ZNF536: variants seen among roughly 807,000 people sequenced by gnomAD.
ZNF536 encodes the protein zinc finger protein 536.
In ZNF536, 13 loss-of-function variants were observed where a neutral mutation model predicts 84.5. That is an observed-to-expected ratio of 0.15 (90% confidence interval 0.10 to 0.24). The LOEUF is 0.24. Ranked by LOEUF, ZNF536 falls within the 10% of genes least tolerant of loss-of-function variation. ZNF536 has a pLI of 1.00. For synonymous variants in ZNF536, 811 were observed against 742.5 expected, an observed-to-expected ratio of 1.09 and a Z score of -1.50; for missense variants, 1,536 against 1,747.5, an observed-to-expected ratio of 0.88 and a Z score of 2.16.
At chr19:30,471,126 C>G (rs544513731) in intron 2 of ZNF536, among the ~76,000 whole-genome samples, 41 of 152,134 alleles carry the variant, frequency 2.7e-4, no homozygotes, top group Admixed American at 7.9e-4. Context: ...TGGCTTAGAC[C>G]GTTTATCAGA....
At chr19:30,263,024 C>T (rs1335161399) in intron 1 of ZNF536, among the ~76,000 whole-genome samples, 1 of 152,082 alleles carries the variant, frequency 6.6e-6, no homozygotes, top group African/African-American at 2.4e-5. Flanking sequence ...TGATAGAGAA[C>T]TCCGCAGCGT....
chr19:30,347,220 A>G (rs951336624), intron 2 of ZNF536, among the ~76,000 whole-genome samples: 1 of 152,090 alleles, frequency 6.6e-6, no homozygotes, highest in Non-Finnish European at 1.5e-5. Flanking sequence ...TCAAAGGATT[A>G]CAAAGATCAA....
intron 1 of ZNF536, among the ~76,000 whole-genome samples, chr19:30,680,494 T>C (rs985364927): frequency 6.8e-6 from 1 of 146,456 alleles, no homozygotes; most frequent in African/African-American, 2.5e-5. Context: ...TGAGTGAGAA[T>C]ATGCGGTGTT....
At chr19:30,317,070 C>T (rs1384901095) in intron 2 of ZNF536, among the ~76,000 whole-genome samples, 1 of 152,100 alleles carries the variant, frequency 6.6e-6, no homozygotes, top group Non-Finnish European at 1.5e-5. Flanking sequence ...TCTTAAGGTG[C>T]CCAAAGCTCT....
intron 1 of ZNF536, among the ~76,000 whole-genome samples, chr19:30,594,706 C>G (rs1231537280): frequency 6.6e-6 from 1 of 152,042 alleles, no homozygotes; most frequent in Non-Finnish European, 1.5e-5. Flanking sequence ...CTGCAGCTAG[C>G]CGGCCTGTGC....
chr19:30,513,986 G>A (rs537990994), intron 2 of ZNF536, among the ~76,000 whole-genome samples: 51 of 152,362 alleles, frequency 3.3e-4, no homozygotes, highest in African/African-American at 1.1e-3. Flanking sequence ...TGGGACACAC[G>A]AGAGCCCATT....
At chr19:30,583,292 C>T (rs1840940185) in intron 1 of ZNF536, among the ~76,000 whole-genome samples, 1 of 152,196 alleles carries the variant, frequency 6.6e-6, no homozygotes, top group African/African-American at 2.4e-5. Flanking sequence ...CTGTGTGATG[C>T]TGTTGAAAGG....
At chr19:30,251,061 G>T (rs773046232) in intron 1 of ZNF536, among the ~76,000 whole-genome samples, 4 of 151,994 alleles carry the variant, frequency 2.6e-5, no homozygotes, top group African/African-American at 7.2e-5. Context: ...GGGTCTGTCT[G>T]CTTCCCTCTA....
chr19:30,701,938 C>T (rs1334990885), intron 1 of ZNF536, among the ~76,000 whole-genome samples: 2 of 152,212 alleles, frequency 1.3e-5, no homozygotes, highest in Non-Finnish European at 2.9e-5. Context: ...CACCAATGGG[C>T]ACTGTCACCA....
At chr19:30,499,099 T>C (rs988116479) in intron 2 of ZNF536, among the ~76,000 whole-genome samples, 1 of 152,000 alleles carries the variant, frequency 6.6e-6, no homozygotes, top group Non-Finnish European at 1.5e-5. Context: ...GTCATCTTAA[T>C]AAATTGCTAC....
intron 1 of ZNF536, among the ~76,000 whole-genome samples, chr19:30,427,787 T>C (rs920206262): frequency 5.9e-5 from 9 of 152,194 alleles, no homozygotes; most frequent in Non-Finnish European, 1.3e-4. Flanking sequence ...CTCCTGACTT[T>C]AGAAGGGAAG....
At chr19:30,352,162 C>T (rs2047951788) in intron 2 of ZNF536, among the ~76,000 whole-genome samples, 1 of 152,122 alleles carries the variant, frequency 6.6e-6, no homozygotes, top group African/African-American at 2.4e-5. Context: ...TGAAAGATCC[C>T]AGTGCTAGGC....
intron 1 of ZNF536, among the ~76,000 whole-genome samples, chr19:30,681,064 C>T (rs1863451012): frequency 1.3e-5 from 2 of 152,148 alleles, no homozygotes; most frequent in African/African-American, 4.8e-5. Flanking sequence ...TACCCTGCAC[C>T]CCGCCCCTTT....
intron 2 of ZNF536, among the ~76,000 whole-genome samples, chr19:30,324,610 T>G (rs1458611746): frequency 6.6e-6 from 1 of 152,184 alleles, no homozygotes; most frequent in Non-Finnish European, 1.5e-5. Flanking sequence ...CAGGCTGGTC[T>G]TGAACTCCTG....
chr19:30,439,334 G>A (rs1046614431), intron 1 of ZNF536, among the ~76,000 whole-genome samples: 1 of 152,204 alleles, frequency 6.6e-6, no homozygotes, highest in Non-Finnish European at 1.5e-5. Flanking sequence ...GTACATGGAA[G>A]GTCCCTGGCA....
chr19:30,572,102 C>T (rs544283293), intron 1 of ZNF536, among the ~76,000 whole-genome samples: 9 of 152,238 alleles, frequency 5.9e-5, no homozygotes, highest in South Asian at 2.1e-4. Context: ...TGGTTTAATG[C>T]GGCCCTAACT....
chr19:30,481,629 T>C (rs11667462), intron 2 of ZNF536, among the ~76,000 whole-genome samples: 3,117 of 152,346 alleles, frequency 0.02, 60 homozygotes, highest in Non-Finnish European at 0.031. Flanking sequence ...TTGTAACAAC[T>C]TTTTAGAATT....
At chr19:30,426,917 A>T (rs975227377) in intron 1 of ZNF536, among the ~76,000 whole-genome samples, 5 of 152,040 alleles carry the variant, frequency 3.3e-5, no homozygotes, top group African/African-American at 1.2e-4. Flanking sequence ...TGTGTGCATT[A>T]TTTCTTCTTT....
chr19:30,635,746 C>T (rs879847176), intron 1 of ZNF536, among the ~76,000 whole-genome samples: 2 of 152,214 alleles, frequency 1.3e-5, no homozygotes, highest in Non-Finnish European at 2.9e-5. Context: ...AGAGGAGTTC[C>T]GGACTGCCTC....
Sources: gnomAD v4.1 joint callset for allele counts (sites outside exome capture counted in the v4.1 genomes callset) on GRCh38, gnomAD v4.1.1 for gene constraint, MANE v1.5 for transcripts, NCBI Gene and HGNC (gene_info 2026-07-23, HGNC 2026-07-21) for gene names.